The following PC variants were observed in gnomAD, a reference collection of about 807,000 sequenced individuals.
PC encodes the protein pyruvate carboxylase, also known as pyruvate carboxylase, mitochondrial.
Under a neutral mutation model 107.8 loss-of-function variants are expected in PC, and 46 were observed. That is an observed-to-expected ratio of 0.43 (90% CI 0.34 to 0.55). The LOEUF is 0.55. PC is among the 20% of genes least tolerant of loss of function. The pLI, the probability that PC is intolerant of heterozygous loss-of-function variation, is 0.04. For synonymous variants in PC, 662 were observed against 684.7 expected (o/e 0.97, Z 0.52); for missense variants, 1,241 against 1,643.1 (o/e 0.76, Z 4.23).
At chr11:66,952,681 T>G (rs2136157962) in intron 2 of PC, among the ~76,000 whole-genome samples, 1 of 152,322 alleles carries the variant, frequency 6.6e-6, no homozygotes, top group East Asian at 1.9e-4. Flanking sequence ...TAGTTGGGAT[T>G]ACAGGCATGT....
intron 3 of PC, among the ~76,000 whole-genome samples, chr11:66,873,554 ATATTATAT>A (rs1695407351): frequency 1.0e-5 from 1 of 100,482 alleles, no homozygotes; most frequent in African/African-American, 3.7e-5. Context: ...TAATATTATA[ATATTATAT>A]AATATTATAT....
At chr11:66,881,740 C>G (rs1947195131) in intron 3 of PC, among the ~76,000 whole-genome samples, 1 of 152,240 alleles carries the variant, frequency 6.6e-6, no homozygotes, top group South Asian at 2.1e-4. Flanking sequence ...CCTCACAGCC[C>G]CTCATCACCT....
At chr11:66,853,794 C>G (rs1488714887) in intron 12 of PC, among the ~76,000 whole-genome samples, 1 of 152,208 alleles carries the variant, frequency 6.6e-6, no homozygotes, top group Non-Finnish European at 1.5e-5. Flanking sequence ...CTGAGTCCAG[C>G]GGGCATGCTC....
At chr11:66,916,121 G>C (rs77589090) in intron 3 of PC, among the ~76,000 whole-genome samples, 2 of 152,182 alleles carry the variant, frequency 1.3e-5, no homozygotes, top group African/African-American at 2.4e-5. Context: ...CAGGGGCCAC[G>C]TCTGTTCCCC....
Position 66,849,752 on chromosome 11 carries a change from C to T in PC, c.3006G>A (p.Val1002=), listed in dbSNP as rs1457181158. The T allele has an allele frequency of 1.2e-6, 2 of 1,614,226 alleles. No homozygotes were observed. Among genetic ancestry groups the T allele is most frequent in the Non-Finnish European group, 1.7e-6 (2 of 1,180,044 alleles). Residue 1002 remains valine (V), a synonymous_variant, in exon 21 of 23, where the codon GTG becomes GTA. Coordinates refer to ENST00000393960, the MANE Select transcript of PC (RefSeq NM_001040716.2). ...CTGCTGAGAGCACATCTTCCGGCGT[C>T]ACCTCCTCCCCATGCCGGTCTACCA... ...KELVDRHGEE[V]TPEDVLSAAM... is the part of the protein sequence containing the mutation.
At position 66,858,800 on chromosome 11, in the gene PC, C is replaced by T. The variant is rs765027667; in HGVS notation, c.1368+4974G>A. On this transcript the variant is annotated intron_variant, in intron 12 of 22. Transcript: ENST00000393960. This position sits in a 1 kb window ranked among gnomAD's most constrained non-coding sequence, Gnocchi z 5.9. Reference sequence around the variant, plus strand: ...GGGACGCTGGGGGCTACACCTGCATCGCCACCAACCCTGCTGGTGAGGCCA... The same window carrying T: ...GGGACGCTGGGGGCTACACCTGCATTGCCACCAACCCTGCTGGTGAGGCCA... The T allele has an allele frequency of 9.0e-6, 14 of 1,549,250 alleles. No individual in the cohort carries two copies. The highest frequency in any genetic ancestry group is 3.3e-4 in the Middle Eastern group (2 of 6,002).
At position 66,858,537 on chromosome 11, in the gene PC, G is replaced by A. The variant is rs1245452094; in HGVS notation, c.1369-5154C>T. On this transcript the variant is annotated intron_variant, in intron 12 of 22. Coordinates refer to ENST00000393960, the MANE Select transcript of PC (RefSeq NM_001040716.2). The surrounding 1 kb of genome is among the most constrained non-coding windows in gnomAD (Gnocchi z 5.9). The stretch of plus-strand genomic sequence containing the variant: ...GTGCGCCTCCCCGCCCGGCCTGGCC[G>A]GCCGCTACTTCTGGGCAGTGCCCGA... 7 of 1,533,798 alleles carry A rather than the reference G, an allele frequency of 4.6e-6. No homozygotes were observed. The highest frequency in any genetic ancestry group is 6.1e-6 in the Non-Finnish European group (7 of 1,145,346).
At chr11:66,874,070 C>T (rs983769149) in intron 3 of PC, among the ~76,000 whole-genome samples, 2 of 152,140 alleles carry the variant, frequency 1.3e-5, no homozygotes, top group African/African-American at 4.8e-5. Flanking sequence ...AGTGATTCTC[C>T]TGCCTCAGCC....
Position 66,857,972 on chromosome 11 carries a change from C to G in PC, c.1369-4589G>C. Reference sequence around the variant, plus strand: ...TCCGCAACATGACGGGACTGGTGGACCTGACACTGTCTCGCAATGCCATCA... The same window carrying G: ...TCCGCAACATGACGGGACTGGTGGAGCTGACACTGTCTCGCAATGCCATCA... On this transcript the variant is annotated intron_variant, in intron 12 of 22. Transcript: ENST00000393960. This position sits in a 1 kb window ranked among gnomAD's most constrained non-coding sequence, Gnocchi z 7.1. 1 of 1,612,550 alleles carries G rather than the reference C, an allele frequency of 6.2e-7. No individual in the cohort carries two copies.
intron 3 of PC, among the ~76,000 whole-genome samples, chr11:66,949,487 G>C (rs1249281238): frequency 1.3e-5 from 2 of 151,704 alleles, no homozygotes; most frequent in Non-Finnish European, 2.9e-5. Flanking sequence ...CTTGAGTCAG[G>C]AGTTCGAGAC....
At chr11:66,856,124 G>A (rs1200103865) in intron 12 of PC, among the ~76,000 whole-genome samples, 1 of 152,272 alleles carries the variant, frequency 6.6e-6, no homozygotes, top group Non-Finnish European at 1.5e-5. Context: ...TTCTCAACCA[G>A]GAAGCAAAGA....
chr11:66,896,942 GT>G (rs1947780727), intron 3 of PC, among the ~76,000 whole-genome samples: 1 of 150,866 alleles, frequency 6.6e-6, no homozygotes, highest in South Asian at 2.1e-4. Context: ...TTGTTTGTTT[GT>G]TTTTTGAGAT....
At chr11:66,956,214 C>T (rs963981496) in intron 1 of PC, among the ~76,000 whole-genome samples, 1 of 152,198 alleles carries the variant, frequency 6.6e-6, no homozygotes, top group Non-Finnish European at 1.5e-5. Context: ...GTTTCTTACA[C>T]CCAACAGTGA....
At chr11:66,908,224 A>G (rs575253035) in intron 3 of PC, among the ~76,000 whole-genome samples, 1 of 152,276 alleles carries the variant, frequency 6.6e-6, no homozygotes, top group Admixed American at 6.5e-5. Flanking sequence ...TAAGGAAAGG[A>G]GCAGAAGATT....
intron 3 of PC, among the ~76,000 whole-genome samples, chr11:66,896,603 G>A (rs529411155): frequency 5.9e-5 from 9 of 152,350 alleles, no homozygotes; most frequent in East Asian, 5.8e-4. Context: ...GGACAGCGCC[G>A]CTGGCTCCCT....
rs1197498878 is a variant in PC at position 66,871,997 on chromosome 11, C to T, written c.136+27G>A. 3 of 1,557,288 alleles carry T rather than the reference C, an allele frequency of 1.9e-6. No individual in the cohort carries two copies. Among genetic ancestry groups the T allele is most frequent in the South Asian group, 1.2e-5 (1 of 84,642 alleles). On this transcript the variant is annotated intron_variant, in intron 4 of 22. Transcript: ENST00000393960. The surrounding 1 kb of genome is among the most constrained non-coding windows in gnomAD (Gnocchi z 7.4). ...CCAAGGCTGGGGCGGCCATGAGGCT[C>T]CTCTCACCGGCCCCACTGGTGCTCA...
intron 3 of PC, among the ~76,000 whole-genome samples, chr11:66,900,458 A>T (rs1164682562): frequency 6.6e-6 from 1 of 152,070 alleles, no homozygotes. Flanking sequence ...CACTGCACCC[A>T]GCCTGTTCTT....
At chr11:66,913,182 C>T (rs1023803311) in intron 3 of PC, among the ~76,000 whole-genome samples, 1 of 151,972 alleles carries the variant, frequency 6.6e-6, no homozygotes, top group Non-Finnish European at 1.5e-5. Context: ...CCTGGGGACA[C>T]ACAATAGGCC....
At chr11:66,949,477 C>T (rs1949387912) in intron 3 of PC, among the ~76,000 whole-genome samples, 1 of 151,774 alleles carries the variant, frequency 6.6e-6, no homozygotes, top group Non-Finnish European at 1.5e-5. Context: ...GGGCAGATCA[C>T]TTGAGTCAGG....
Sources: gnomAD v4.1 joint callset for allele counts (sites outside exome capture counted in the v4.1 genomes callset) on GRCh38, gnomAD v4.1.1 for gene constraint, Gnocchi (gnomAD v3.1) non-coding constraint, MANE v1.5 for transcripts, NCBI Gene and HGNC (gene_info 2026-07-23, HGNC 2026-07-21) for gene names.